PRRX1: variants seen among roughly 807,000 people sequenced by gnomAD.
The protein encoded by PRRX1 is paired mesoderm homeobox protein 1.
Under a neutral mutation model 24.0 loss-of-function variants are expected in PRRX1, and 8 were observed. That is an observed-to-expected ratio of 0.33 (90% CI 0.20 to 0.60). The LOEUF (loss-of-function observed/expected upper bound fraction) is 0.60. PRRX1 is among the 20% of genes least tolerant of loss of function. The probability of loss-of-function intolerance (pLI) is 0.82; values close to 1 mark genes in which losing one functional copy is unlikely to be tolerated. For synonymous variants in PRRX1, 160 were observed against 131.7 expected (o/e 1.22, Z -1.47); for missense variants, 281 against 322.4 (o/e 0.87, Z 0.98).
Position 170,736,059 on chromosome 1 carries a change from CTTA to C in PRRX1, c.614_616del (p.Tyr205del), listed in dbSNP as rs1655590414. ...CTTTGTCCCTACAGCGCCATGGCTA[CTTA>C]TTCTGCCACATGTGCCAACAATAGC... On this transcript the variant is annotated inframe_deletion, in exon 4 of 4. Transcript: ENST00000239461. 1.9e-6 allele frequency: 3 copies of C among 1,613,952 alleles called. No homozygotes were observed. In the African/African-American group the frequency reaches 4.0e-5, roughly 22 times the overall value.
chr1:170,689,328 A>G (rs1653850114), intron 1 of PRRX1, among the ~76,000 whole-genome samples: 1 of 152,206 alleles, frequency 6.6e-6, no homozygotes, highest in African/African-American at 2.4e-5. Context: ...AGAGCTGAAT[A>G]AGTCAATGAA....
At chr1:170,710,396 C>T (rs1313925149) in intron 1 of PRRX1, among the ~76,000 whole-genome samples, 2 of 152,194 alleles carry the variant, frequency 1.3e-5, no homozygotes, top group Non-Finnish European at 2.9e-5. Flanking sequence ...TGAGGGCTAA[C>T]ATCACAGGCT....
chr1:170,722,808 A>C (rs1029423591), intron 2 of PRRX1: 3 of 152,238 alleles, frequency 2.0e-5, no homozygotes, highest in Non-Finnish European at 4.4e-5. Flanking sequence ...ACTTTGAAAA[A>C]AATATATGGG....
intron 3 of PRRX1, chr1:170,727,091 TTGTGTGTGTGCGTG>T (rs1261625358): frequency 6.6e-6 from 1 of 152,068 alleles, no homozygotes; most frequent in Non-Finnish European, 1.5e-5. Flanking sequence ...TTGTGTGTAT[TTGTGTGTGTGCGTG>T]TGTGTGTGTG....
chr1:170,671,882 C>T (rs1022188232), intron 1 of PRRX1, among the ~76,000 whole-genome samples: 3 of 152,054 alleles, frequency 2.0e-5, no homozygotes, highest in Non-Finnish European at 4.4e-5. Flanking sequence ...GACTTTTCTG[C>T]ATATGTACTT....
intron 1 of PRRX1, among the ~76,000 whole-genome samples, chr1:170,703,793 G>A (rs1654473285): frequency 6.6e-6 from 1 of 152,154 alleles, no homozygotes; most frequent in Non-Finnish European, 1.5e-5. Flanking sequence ...TGGCTCTCAA[G>A]GCTCTGTCTT....
intron 1 of PRRX1, 24 bp downstream of exon 1, chr1:170,664,483 G>A (rs1428686146): frequency 1.3e-6 from 2 of 1,582,692 alleles, no homozygotes; most frequent in South Asian, 2.3e-5. Flanking sequence ...GCATGCCCAC[G>A]GGGGTGTGTG....
At chr1:170,671,080 A>G (rs1215430251) in intron 1 of PRRX1, among the ~76,000 whole-genome samples, 1 of 152,186 alleles carries the variant, frequency 6.6e-6, no homozygotes, top group East Asian at 1.9e-4. Flanking sequence ...AAATTCATGT[A>G]TTAATTTGAA....
intron 3 of PRRX1, 71 bp from the exon 4 acceptor site, chr1:170,735,977 T>A (rs1192218853): frequency 2.5e-6 from 4 of 1,593,560 alleles, no homozygotes; most frequent in Admixed American, 1.7e-5. Context: ...TACATCCATC[T>A]GGGGCACAGA....
intron 3 of PRRX1, 115 bp downstream of exon 3, chr1:170,726,516 G>A (rs1655261912): frequency 1.6e-6 from 2 of 1,283,530 alleles, no homozygotes; most frequent in Non-Finnish European, 2.2e-6. Flanking sequence ...AATCTCTTCA[G>A]AGACATTCAA....
upstream of PRRX1, chr1:170,663,805 G>T: frequency 6.1e-6 from 1 of 163,912 alleles, no homozygotes; most frequent in East Asian, 1.6e-4. Flanking sequence ...GCTGGCCTCC[G>T]CTTTCCTCTC....
chr1:170,730,270 A>G (rs1167881616), intron 3 of PRRX1: 2 of 1,605,994 alleles, frequency 1.2e-6, no homozygotes, highest in East Asian at 4.5e-5. Context: ...CACACTTTCA[A>G]AAATAGATCC....
intron 1 of PRRX1, among the ~76,000 whole-genome samples, chr1:170,682,080 G>A (rs1653565675): frequency 6.6e-6 from 1 of 152,188 alleles, no homozygotes; most frequent in South Asian, 2.1e-4. Flanking sequence ...CAGTTGAACT[G>A]TAGTGTAAAT....
At chr1:170,665,839 T>A (rs1408274664) in intron 1 of PRRX1, among the ~76,000 whole-genome samples, 1 of 152,194 alleles carries the variant, frequency 6.6e-6, no homozygotes, top group Non-Finnish European at 1.5e-5. Context: ...CTAGGGCCGA[T>A]CCACCCAATG....
intron 1 of PRRX1, among the ~76,000 whole-genome samples, chr1:170,691,310 C>T (rs79371244): frequency 0.023 from 3,550 of 152,124 alleles, 138 homozygotes; most frequent in African/African-American, 0.076. Context: ...CTTTTAGAAA[C>T]TGTTGATGGA....
At chr1:170,662,810 C>G (rs1652769681), upstream of PRRX1, 1 of 150,758 alleles carries the variant, frequency 6.6e-6, no homozygotes, top group African/African-American at 2.4e-5. Context: ...TGGATTTTTT[C>G]CAAATTTCCC....
intron 1 of PRRX1, among the ~76,000 whole-genome samples, chr1:170,667,213 G>A (rs746460247): frequency 6.6e-6 from 1 of 152,054 alleles, no homozygotes; most frequent in South Asian, 2.1e-4. Context: ...GACAGCTTCC[G>A]GAGGAGGCCG....
At chr1:170,711,765 C>T (rs541043410) in intron 1 of PRRX1, among the ~76,000 whole-genome samples, 1 of 152,192 alleles carries the variant, frequency 6.6e-6, no homozygotes, top group Non-Finnish European at 1.5e-5. Flanking sequence ...TCATCCTCAG[C>T]TCTGTTTGTA....
intron 1 of PRRX1, among the ~76,000 whole-genome samples, chr1:170,673,296 T>G (rs1571313700): frequency 6.6e-6 from 1 of 152,190 alleles, no homozygotes; most frequent in African/African-American, 2.4e-5. Flanking sequence ...ATTGTGACTT[T>G]CCATTTTCTA....
Sources: gnomAD v4.1 joint callset for allele counts (sites outside exome capture counted in the v4.1 genomes callset) on GRCh38, gnomAD v4.1.1 for gene constraint, MANE v1.5 for transcripts, NCBI Gene and HGNC (gene_info 2026-07-23, HGNC 2026-07-21) for gene names.